Variants in GPC6 observed in about 807,000 individuals in gnomAD.
The protein encoded by GPC6 is glypican-6.
A neutral mutation model predicts 55.2 loss-of-function variants in GPC6; 14 were observed. The observed-to-expected ratio is 0.25, with a 90% CI of 0.17 to 0.40. GPC6 has a LOEUF of 0.40. Ranked by LOEUF, GPC6 falls within the 10% of genes least tolerant of loss-of-function variation. The pLI is 1.00. For synonymous variants in GPC6, 278 were observed against 259.6 expected, an observed-to-expected ratio of 1.07 and a Z score of -0.68; for missense variants, 641 against 708.5, an observed-to-expected ratio of 0.90 and a Z score of 1.08.
intron 2 of GPC6, among the ~76,000 whole-genome samples, chr13:93,747,707 G>A (rs966633713): frequency 1.3e-5 from 2 of 152,142 alleles, no homozygotes; most frequent in Admixed American, 1.3e-4. Flanking sequence ...CTAACTGTGG[G>A]CTAATGTAAG....
intron 1 of GPC6, among the ~76,000 whole-genome samples, chr13:93,367,937 C>A (rs1293430805): frequency 6.6e-6 from 1 of 152,016 alleles, no homozygotes; most frequent in Non-Finnish European, 1.5e-5. Flanking sequence ...AATGTCACTT[C>A]GATCCTTTTA....
chr13:93,832,122 A>AATATATATATATATAT (rs71126419), intron 3 of GPC6, among the ~76,000 whole-genome samples: 336 of 11,968 alleles, frequency 0.028, 7 homozygotes, highest in Admixed American at 0.03. Context: ...AAAAAAAAAA[A>AATATATATATATATAT]ATATATATAT....
chr13:94,010,321 C>G (rs7988278), intron 3 of GPC6, among the ~76,000 whole-genome samples: 46,062 of 151,960 alleles, frequency 0.3, 7,197 homozygotes, highest in African/African-American at 0.34. Context: ...TTTAGACAGA[C>G]ATTAACATCA....
chr13:93,654,859 T>C (rs1172535179), intron 2 of GPC6, among the ~76,000 whole-genome samples: 6 of 148,232 alleles, frequency 4.0e-5, no homozygotes, highest in African/African-American at 1.3e-4. Context: ...TTTTTTGAGA[T>C]GGAGTCTCGC....
At chr13:93,423,805 A>G (rs1166154928) in intron 1 of GPC6, among the ~76,000 whole-genome samples, 3 of 152,174 alleles carry the variant, frequency 2.0e-5, no homozygotes, top group Non-Finnish European at 2.9e-5. Flanking sequence ...TTAAATCAAT[A>G]GAAAGTGCTT....
chr13:93,545,377 A>G lies in GPC6; in HGVS notation c.275A>G (p.His92Arg), dbSNP rs1874728874. 6.2e-7 allele frequency: 1 copy of G among 1,613,952 alleles called. No homozygotes were observed. The highest frequency in any genetic ancestry group is 8.5e-7 in the Non-Finnish European group (1 of 1,179,844). ...EFENLVEETS[H>R]FVRTTFVSRH... ...GAAAACCTTGTGGAAGAGACAAGCCATTTTGTGCGCACCACTTTTGTGTCC... is the reference window on the plus strand; with the variant it reads ...GAAAACCTTGTGGAAGAGACAAGCCGTTTTGTGCGCACCACTTTTGTGTCC... The change falls in exon 2 of 9, where the codon CAT (histidine) becomes CGT (arginine). Residue 92 changes from histidine to arginine, a missense_variant. Coordinates refer to ENST00000377047, the MANE Select transcript of GPC6 (RefSeq NM_005708.5).
At chr13:93,364,457 C>T (rs1881166444) in intron 1 of GPC6, among the ~76,000 whole-genome samples, 1 of 151,886 alleles carries the variant, frequency 6.6e-6, no homozygotes, top group South Asian at 2.1e-4. Flanking sequence ...AAGGAACTGT[C>T]ATGTGAATAA....
intron 3 of GPC6, among the ~76,000 whole-genome samples, chr13:93,838,110 A>G (rs1331274432): frequency 6.6e-6 from 1 of 152,212 alleles, no homozygotes; most frequent in Non-Finnish European, 1.5e-5. Context: ...TTCAAGAGAC[A>G]GACATGGGCT....
chr13:93,851,213 G>C (rs1888382990), intron 3 of GPC6, among the ~76,000 whole-genome samples: 1 of 151,934 alleles, frequency 6.6e-6, no homozygotes, highest in Admixed American at 6.6e-5. Context: ...AATTCAACCT[G>C]TTTTGCTGGC....
rs531124660 is a variant in GPC6, at chr13:94,042,302, G to A, written c.877+14408G>A. Among the ~76,000 whole-genome samples, 6 of 151,908 alleles carry A rather than the reference G, an allele frequency of 3.9e-5. No homozygotes were observed. In the South Asian group the frequency reaches 8.3e-4, roughly 21 times the overall value. On this transcript the variant is annotated intron_variant, in intron 4 of 8. Coordinates refer to ENST00000377047, the MANE Select transcript of GPC6 (RefSeq NM_005708.5). Reference sequence around the variant, plus strand: ...TGTACACCCTGCAGAACTGTGAGCCGATTAAACCTCATTTCTTTATGAATT... The same window carrying A: ...TGTACACCCTGCAGAACTGTGAGCCAATTAAACCTCATTTCTTTATGAATT...
intron 3 of GPC6, among the ~76,000 whole-genome samples, chr13:93,962,725 A>T (rs1304634671): frequency 6.6e-6 from 1 of 152,158 alleles, no homozygotes; most frequent in Non-Finnish European, 1.5e-5. Context: ...CTGTCACCCC[A>T]AGAAATACTA....
chr13:93,771,266 A>T (rs924780789), intron 2 of GPC6, among the ~76,000 whole-genome samples: 1 of 152,218 alleles, frequency 6.6e-6, no homozygotes, highest in Admixed American at 6.5e-5. Context: ...CCCAAGCCTG[A>T]GCACTTTACT....
intron 1 of GPC6, among the ~76,000 whole-genome samples, chr13:93,325,227 G>C (rs1479889423): frequency 6.6e-6 from 1 of 152,088 alleles, no homozygotes; most frequent in Non-Finnish European, 1.5e-5. Flanking sequence ...AAAATTAAGA[G>C]GTGGTTTTAT....
intron 3 of GPC6, among the ~76,000 whole-genome samples, chr13:93,929,242 A>C (rs952424079): frequency 6.6e-6 from 1 of 152,192 alleles, no homozygotes; most frequent in Non-Finnish European, 1.5e-5. Flanking sequence ...ATTTATGGCC[A>C]CAAGGCTTGA....
chr13:93,601,071 C>T (rs1026351769), intron 2 of GPC6, among the ~76,000 whole-genome samples: 11 of 150,320 alleles, frequency 7.3e-5, no homozygotes, highest in African/African-American at 2.7e-4. Context: ...GAGGAAAAGA[C>T]GAGGGGAAAA....
chr13:93,989,611 G>C (rs1881199857), intron 3 of GPC6, among the ~76,000 whole-genome samples: 1 of 152,136 alleles, frequency 6.6e-6, no homozygotes, highest in Admixed American at 6.6e-5. Context: ...GTGGAGATAG[G>C]GGGAGATGAA....
chr13:93,889,428 C>T (rs1566588029), intron 3 of GPC6, among the ~76,000 whole-genome samples: 2 of 152,056 alleles, frequency 1.3e-5, no homozygotes, highest in African/African-American at 4.8e-5. Flanking sequence ...TAGTACTCAG[C>T]AAATGCAATC....
At chr13:93,238,496 T>C (rs544004072) in intron 1 of GPC6, among the ~76,000 whole-genome samples, 3 of 150,566 alleles carry the variant, frequency 2.0e-5, no homozygotes, top group Admixed American at 1.3e-4. Flanking sequence ...TTAGGGTTTT[T>C]TTAGGTATAG....
chr13:94,124,655 G>T (rs993115095), intron 4 of GPC6, among the ~76,000 whole-genome samples: 7 of 152,058 alleles, frequency 4.6e-5, no homozygotes, highest in Non-Finnish European at 8.8e-5. Context: ...GGTACACTGG[G>T]AATGCCCTCT....
Sources: gnomAD v4.1 joint callset for allele counts (sites outside exome capture counted in the v4.1 genomes callset) on GRCh38, gnomAD v4.1.1 for gene constraint, MANE v1.5 for transcripts, NCBI Gene and HGNC (gene_info 2026-07-23, HGNC 2026-07-21) for gene names.